The following ZNF594 variants were observed in gnomAD, a reference collection of about 807,000 sequenced individuals.
ZNF594 encodes the protein zinc finger protein HZF18.
For synonymous variants in ZNF594, 336 were observed against 309.4 expected (o/e 1.09, Z -0.90); for missense variants, 1,037 against 964.6 (o/e 1.08, Z -0.99).
At chr17:5,179,271 G>A (rs539931782), downstream of ZNF594, among the ~76,000 whole-genome samples, 1 of 146,212 alleles carries the variant, frequency 6.8e-6, no homozygotes, top group East Asian at 2.0e-4. Flanking sequence ...GACTCACCAG[G>A]CCGGAGACGT....
intron 1 of ZNF594, among the ~76,000 whole-genome samples, chr17:5,185,753 G>A (rs2074382133): frequency 6.6e-6 from 1 of 152,194 alleles, no homozygotes; most frequent in African/African-American, 2.4e-5. Context: ...GGTAAATACA[G>A]CTGTTCCAAA....
In ZNF594 at chr17:5,182,819, T is replaced by C; in HGVS notation, c.1438A>G (p.Lys480Glu). ...SQRSHLVTHQ[K>E]IHTGEKPYQC... The stretch of plus-strand genomic sequence containing the variant: ...TAGGGCTTCTCTCCAGTATGGATTT[T>C]CTGGTGTGTAACAAGGTGTGACCTC... Residue 480 changes from lysine to glutamate, a missense_variant, in exon 2 of 2, where the codon AAA becomes GAA. Physicochemically the swap from Lys to Glu is moderately conservative, Grantham distance 56. Transcript: ENST00000575779. 15 of 1,614,158 alleles carry C rather than the reference T, an allele frequency of 9.3e-6. No individual in the cohort carries two copies. Among genetic ancestry groups the C allele is most frequent in the African/African-American group, 1.3e-5 (1 of 75,030 alleles).
chr17:5,181,847 A>G lies in ZNF594; in HGVS notation c.2410T>C (p.Ser804Pro). The change falls in exon 2 of 2, where the codon TCT becomes CCT. Residue 804 changes from serine (S) to proline (P), a missense_variant. Transcript: ENST00000575779. ...CGKTQSELRP[S>P]ETS ...CACTGTGAATTCTATGATGTCTCAG[A>G]AGGTCTGAGCTCTGATTGAGTTTTC... 1 of 1,613,968 alleles carries G rather than the reference A, an allele frequency of 6.2e-7. No individual in the cohort carries two copies. The highest frequency in any genetic ancestry group is 8.5e-7 in the Non-Finnish European group (1 of 1,179,980).
rs759555569 is a variant in ZNF594 at position 5,181,536 on chromosome 17, T to C, written c.*297A>G. ...GAAAGCTGTGTGCCACATGAAGAGT[T>C]TCCCACATTCCTTACATTCATAGGG... On this transcript the variant is annotated 3_prime_UTR_variant, in exon 2 of 2. Transcript: ENST00000575779. 1.3e-5 allele frequency: 21 copies of C among 1,613,868 alleles called. 1 individual carries two copies. In the South Asian group the frequency reaches 1.9e-4, roughly 14 times the overall value.
At chr17:5,189,477 G>C (rs144813027) in intron 1 of ZNF594, among the ~76,000 whole-genome samples, 1,877 of 151,912 alleles carry the variant, frequency 0.012, 54 homozygotes, top group African/African-American at 0.041. Context: ...GGCCTCAAGG[G>C]ATCTTCCTGC....
intron 1 of ZNF594, among the ~76,000 whole-genome samples, chr17:5,185,035 C>T (rs1227978982): frequency 2.0e-5 from 3 of 152,192 alleles, no homozygotes; most frequent in Admixed American, 2.0e-4. Context: ...CTTCTCAGAC[C>T]TCACATTTTT....
intron 1 of ZNF594, among the ~76,000 whole-genome samples, chr17:5,190,153 G>C (rs1167998466): frequency 2.0e-5 from 3 of 152,146 alleles, no homozygotes; most frequent in Non-Finnish European, 4.4e-5. Context: ...GAGTACCAGA[G>C]GTTGGGAGTT....
In ZNF594 at chr17:5,183,367, C is replaced by T. The variant is rs200899972; in HGVS notation, c.890G>A (p.Cys297Tyr). ...RIHTGEKPLK[C>Y]NECEKAFRQH... ...CCTGAAGGCTTTTTCACATTCATTA[C>T]ATTTGAGGGGTTTCTCTCCAGTGTG... is the stretch of plus-strand genomic sequence containing the variant. The change falls in exon 2 of 2, where the codon TGT (cysteine) becomes TAT (tyrosine). Residue 297 changes from cysteine to tyrosine, a missense_variant. Transcript: ENST00000575779. 14 of 1,613,728 alleles carry T rather than the reference C, an allele frequency of 8.7e-6. No homozygotes were observed. The East Asian group carries it at 2.5e-4, about 28-fold the overall frequency.
At chr17:5,189,059 T>A (rs76411300) in intron 1 of ZNF594, among the ~76,000 whole-genome samples, 2 of 150,872 alleles carry the variant, frequency 1.3e-5, no homozygotes, top group Non-Finnish European at 3.0e-5. Flanking sequence ...AAATTTGACA[T>A]TTTTAATTTA....
At chr17:5,179,161 G>A (rs548845584), downstream of ZNF594, among the ~76,000 whole-genome samples, 9 of 150,416 alleles carry the variant, frequency 6.0e-5, no homozygotes, top group East Asian at 4.0e-4. Context: ...CGGGAAGCCC[G>A]AGCAGCCTGG....
downstream of ZNF594, among the ~76,000 whole-genome samples, chr17:5,179,081 G>T (rs1306016315): frequency 2.0e-5 from 3 of 151,602 alleles, no homozygotes; most frequent in African/African-American, 7.3e-5. Flanking sequence ...GGACCACAGG[G>T]AGGTGACAGC....
In ZNF594 at chr17:5,183,857, T is replaced by TCA. The variant is rs771322033; in HGVS notation, c.399_400insTG (p.Lys134Ter). On this transcript the variant is annotated frameshift_variant, in exon 2 of 2. Coordinates refer to ENST00000575779, the MANE Select transcript of ZNF594 (RefSeq NM_032530.2). LOFTEE classifies it low-confidence loss of function (END_TRUNC). ...AGGTTTGAACTCCTGTTGAAGGTTT[T>TCA]TTCACATTCCTTACATTCATAGGTC... is the stretch of plus-strand genomic sequence containing the variant. 1 of 1,613,734 alleles carries TCA rather than the reference T, an allele frequency of 6.2e-7. No homozygotes were observed. The highest frequency in any genetic ancestry group is 1.1e-5 in the South Asian group (1 of 90,946).
chr17:5,191,288 T>C (rs1246607018), intron 1 of ZNF594: 1 of 152,232 alleles, frequency 6.6e-6, no homozygotes, highest in Admixed American at 6.5e-5. Flanking sequence ...CTCCCTTGTT[T>C]GAACTCTAAC....
At chr17:5,178,100 T>C (rs1446548921), downstream of ZNF594, among the ~76,000 whole-genome samples, 1 of 151,002 alleles carries the variant, frequency 6.6e-6, no homozygotes, top group African/African-American at 2.4e-5. Flanking sequence ...CAGCATTACT[T>C]TGACACCACA....
At position 5,183,221 on chromosome 17, in the gene ZNF594, C is replaced by T; in HGVS notation, c.1036G>A (p.Ala346Thr). Residue 346 changes from alanine to threonine, a missense_variant, in exon 2 of 2, where the codon GCT (alanine) becomes ACT (threonine). Transcript: ENST00000575779. ...TAFLKHQRLH[A>T]GEKIEECEKT... ...TCACATTCTTCAATTTTCTCTCCAG[C>T]ATGCAATCTCTGATGTTTAAGAAAA... 6.2e-7 allele frequency: 1 copy of T among 1,614,028 alleles called. No homozygotes were observed. The highest frequency in any genetic ancestry group is 8.5e-7 in the Non-Finnish European group (1 of 1,180,004).
At chr17:5,175,507 T>G (rs1321484064), downstream of ZNF594, among the ~76,000 whole-genome samples, 1 of 152,140 alleles carries the variant, frequency 6.6e-6, no homozygotes, top group Non-Finnish European at 1.5e-5. Flanking sequence ...CAACCACTGA[T>G]GTAGAGGGTA....
rs202036467 is a variant in ZNF594, at chr17:5,182,186, G to A, written c.2071C>T (p.Arg691Trp). 6.8e-5 allele frequency: 109 copies of A among 1,613,308 alleles called. 2 individuals carry two copies. Among genetic ancestry groups the A allele is most frequent in the East Asian group, 2.5e-4 (11 of 44,844 alleles). ...CGATGTTGAATAAGGAGGGAACGCC[G>A]CCTGAAGGCATTCCCACATTCACTG... ...QCSECGNAFR[R>W]RSLLIQHRRL... Residue 691 changes from arginine to tryptophan, a missense_variant, in exon 2 of 2, where the codon CGG becomes TGG. Coordinates refer to ENST00000575779, the MANE Select transcript of ZNF594 (RefSeq NM_032530.2).
intron 1 of ZNF594, among the ~76,000 whole-genome samples, chr17:5,190,809 G>A (rs2074417532): frequency 6.6e-6 from 1 of 151,820 alleles, no homozygotes; most frequent in South Asian, 2.1e-4. Flanking sequence ...CTCCCTTAAG[G>A]CATAGCTAGT....
At chr17:5,190,507 T>C (rs1392308244) in intron 1 of ZNF594, among the ~76,000 whole-genome samples, 1 of 152,238 alleles carries the variant, frequency 6.6e-6, no homozygotes, top group East Asian at 1.9e-4. Context: ...CAGTTCTTAG[T>C]ATCTTTTAAC....
Sources: gnomAD v4.1 joint callset for allele counts (sites outside exome capture counted in the v4.1 genomes callset) on GRCh38, gnomAD v4.1.1 for gene constraint, MANE v1.5 for transcripts, NCBI Gene and HGNC (gene_info 2026-07-23, HGNC 2026-07-21) for gene names.